Variants in TP63 observed in about 807,000 individuals in gnomAD.
The protein encoded by TP63 is tumor protein 63.
TP63 carries 17 observed loss-of-function variants against 82.8 expected under a neutral mutation model. The observed-to-expected ratio is 0.21, with a 90% CI of 0.14 to 0.31. The LOEUF (loss-of-function observed/expected upper bound fraction) is 0.31, where lower values mean the gene tolerates loss of function less well. Among genes scored for constraint, TP63 ranks in the 10% least tolerant of loss-of-function variants. TP63 has a pLI of 1.00. For missense variants in TP63, 648 were observed against 895.3 expected (o/e 0.72, Z 3.52); for synonymous variants, 330 against 321.7 (o/e 1.03, Z -0.28).
chr3:189,618,214 C>T, the TP63 span, among the ~76,000 whole-genome samples: 3 of 152,182 alleles, frequency 2.0e-5, no homozygotes, highest in Admixed American at 1.3e-4. Flanking sequence ...GGAATTGCCA[C>T]ACTATATATA....
chr3:189,724,777 A>G (rs955531982), intron 1 of TP63, among the ~76,000 whole-genome samples: 4 of 152,284 alleles, frequency 2.6e-5, no homozygotes, highest in Admixed American at 1.3e-4. Context: ...ATGGTTATGG[A>G]ACACCTTCGT....
the TP63 span, among the ~76,000 whole-genome samples, chr3:189,609,866 C>G: frequency 6.6e-6 from 1 of 152,098 alleles, no homozygotes; most frequent in Non-Finnish European, 1.5e-5. Context: ...CTTTATAGTA[C>G]AATGATTTAT....
At chr3:189,740,941 T>TA (rs1294522803) in intron 3 of TP63, among the ~76,000 whole-genome samples, 1 of 152,236 alleles carries the variant, frequency 6.6e-6, no homozygotes, top group Admixed American at 6.5e-5. Flanking sequence ...AATTACTTCT[T>TA]ACACAGTGTC....
chr3:189,730,904 C>G (rs1182518934), intron 1 of TP63, among the ~76,000 whole-genome samples: 1 of 152,176 alleles, frequency 6.6e-6, no homozygotes, highest in Non-Finnish European at 1.5e-5. Flanking sequence ...TCTATACAAT[C>G]AAGTCTATTT....
At chr3:189,849,054 A>G (rs1210670630) in intron 4 of TP63, among the ~76,000 whole-genome samples, 1 of 152,116 alleles carries the variant, frequency 6.6e-6, no homozygotes, top group African/African-American at 2.4e-5. Flanking sequence ...AGATAATGAA[A>G]CCTTCATAAA....
At chr3:189,678,676 G>T (rs549675547) in intron 1 of TP63, among the ~76,000 whole-genome samples, 3 of 151,896 alleles carry the variant, frequency 2.0e-5, no homozygotes, top group African/African-American at 4.8e-5. Context: ...GTTTTGGGCC[G>T]TATGGTCATA....
At chr3:189,671,436 G>A (rs565471456) in intron 1 of TP63, among the ~76,000 whole-genome samples, 23 of 152,152 alleles carry the variant, frequency 1.5e-4, no homozygotes, top group African/African-American at 4.6e-4. Context: ...CACATTCTTG[G>A]TTGGAAGATA....
chr3:189,850,026 T>C (rs1024538527), intron 4 of TP63, among the ~76,000 whole-genome samples: 3 of 152,148 alleles, frequency 2.0e-5, no homozygotes, highest in African/African-American at 7.2e-5. Flanking sequence ...TGCCCTATAA[T>C]CCGAGTACTT....
At chr3:189,614,601 T>C in the TP63 span, among the ~76,000 whole-genome samples, 1 of 152,370 alleles carries the variant, frequency 6.6e-6, no homozygotes, top group East Asian at 1.9e-4. Flanking sequence ...ATGTATACAG[T>C]AATATGTGTA....
the TP63 span, among the ~76,000 whole-genome samples, chr3:189,613,153 C>T: frequency 6.6e-6 from 1 of 152,182 alleles, no homozygotes; most frequent in Non-Finnish European, 1.5e-5. Context: ...CAGGCCATGT[C>T]AGAGGCCTTT....
At chr3:189,754,272 TCTTC>T (rs1692900817) in intron 3 of TP63, among the ~76,000 whole-genome samples, 1 of 152,298 alleles carries the variant, frequency 6.6e-6, no homozygotes, top group East Asian at 1.9e-4. Context: ...TTAATACCTC[TCTTC>T]CTTCTTTCCT....
chr3:189,631,219 A>G (rs960448400), upstream of TP63: 1 of 985,240 alleles, frequency 1.0e-6, no homozygotes, highest in Admixed American at 6.2e-5. Flanking sequence ...CTATACGTCA[A>G]GGACTCTGAA....
chr3:189,829,970 AAG>A, intron 4 of TP63: 1 of 330,388 alleles, frequency 3.0e-6, no homozygotes, highest in South Asian at 2.4e-5. Flanking sequence ...AAATTGTATA[AAG>A]AGAAATTATT....
chr3:189,842,978 G>A (rs972685900), intron 4 of TP63, among the ~76,000 whole-genome samples: 2 of 152,144 alleles, frequency 1.3e-5, no homozygotes, highest in African/African-American at 4.8e-5. Flanking sequence ...TACCCTCCTG[G>A]GGAGATAAAG....
At position 189,631,392 on chromosome 3, in the gene TP63, T is replaced by A. The variant is rs941495038; in HGVS notation, c.-124T>A. On this transcript the variant is annotated 5_prime_UTR_variant, in exon 1 of 14. The change abolishes an upstream ATG in the 5' untranslated region. Coordinates refer to ENST00000264731, the MANE Select transcript of TP63 (RefSeq NM_003722.5). Reference sequence around the variant, plus strand: ...AAGGAGAGAAGTGCCTAAACTTCTATGTCTGATAGCATTTGACCCTATTGC... The same window carrying A: ...AAGGAGAGAAGTGCCTAAACTTCTAAGTCTGATAGCATTTGACCCTATTGC... 47 of 1,559,306 alleles carry A rather than the reference T, an allele frequency of 3.0e-5. No individual in the cohort carries two copies. The African/African-American group carries it at 5.4e-4, about 18-fold the overall frequency.
intron 1 of TP63, among the ~76,000 whole-genome samples, chr3:189,634,716 G>A (rs888123314): frequency 6.6e-6 from 1 of 151,964 alleles, no homozygotes; most frequent in Non-Finnish European, 1.5e-5. Context: ...TTGAACTATA[G>A]ATGAAATTAT....
the TP63 span, among the ~76,000 whole-genome samples, chr3:189,611,550 A>G: frequency 2.6e-3 from 397 of 152,270 alleles, 1 homozygote; most frequent in African/African-American, 9.3e-3. Context: ...GCCTTGTAGT[A>G]TAGTTTGAAG....
intron 1 of TP63, among the ~76,000 whole-genome samples, chr3:189,695,883 T>C (rs1027665635): frequency 6.6e-6 from 1 of 152,192 alleles, no homozygotes; most frequent in African/African-American, 2.4e-5. Flanking sequence ...TTCATTCGGT[T>C]CATTTTACGT....
chr3:189,789,664 A>G (rs1724919672), intron 3 of TP63: 3 of 1,448,664 alleles, frequency 2.1e-6, no homozygotes, highest in Non-Finnish European at 2.7e-6. Flanking sequence ...ATGTACAGAG[A>G]GAGAAAGAGA....
Sources: allele counts gnomAD v4.1 joint callset (sites outside exome capture counted in the v4.1 genomes callset), GRCh38; gene constraint gnomAD v4.1.1; transcripts MANE v1.5; gene names NCBI Gene and HGNC (gene_info 2026-07-23, HGNC 2026-07-21).